SPATA16: variants seen among roughly 807,000 people sequenced by gnomAD.
SPATA16 encodes spermatogenesis-associated protein 16.
A neutral mutation model predicts 63.3 loss-of-function variants in SPATA16; 36 were observed. The observed-to-expected ratio is 0.57, with a 90% CI of 0.44 to 0.75. The LOEUF is 0.75. Among genes scored for constraint, SPATA16 ranks in the 30% least tolerant of loss-of-function variants. The probability of loss-of-function intolerance (pLI) is 0.00; values close to 1 mark genes in which losing one functional copy is unlikely to be tolerated. For synonymous variants in SPATA16, 203 were observed against 216.7 expected, an observed-to-expected ratio of 0.94 and a Z score of 0.56; for missense variants, 646 against 679.3, an observed-to-expected ratio of 0.95 and a Z score of 0.54.
chr3:173,082,375 A>G (rs1393747755), intron 2 of SPATA16, among the ~76,000 whole-genome samples: 1 of 152,182 alleles, frequency 6.6e-6, no homozygotes, highest in East Asian at 1.9e-4. Context: ...TGTGGGAAGA[A>G]ATGGCTTCCA....
chr3:172,950,396 AT>A (rs1175127352), intron 6 of SPATA16, among the ~76,000 whole-genome samples: 1 of 152,174 alleles, frequency 6.6e-6, no homozygotes, highest in Non-Finnish European at 1.5e-5. Flanking sequence ...CTTGGGAACA[AT>A]TTTCTGATTC....
intron 2 of SPATA16, among the ~76,000 whole-genome samples, chr3:173,114,275 CCTT>C (rs1172040014): frequency 6.6e-6 from 1 of 151,924 alleles, no homozygotes; most frequent in Non-Finnish European, 1.5e-5. Flanking sequence ...CCTATTTTCT[CCTT>C]CTTTCTCAGT....
chr3:173,050,038 C>T (rs887451468), intron 2 of SPATA16, among the ~76,000 whole-genome samples: 6 of 152,076 alleles, frequency 3.9e-5, no homozygotes, highest in Admixed American at 6.5e-5. Flanking sequence ...GCAGTTAATA[C>T]TTATTTATAT....
intron 2 of SPATA16, among the ~76,000 whole-genome samples, chr3:173,061,309 T>C (rs1736372775): frequency 6.6e-6 from 1 of 152,206 alleles, no homozygotes; most frequent in Admixed American, 6.5e-5. Flanking sequence ...CAGATACTGT[T>C]GGCACTCTAG....
intron 3 of SPATA16, among the ~76,000 whole-genome samples, chr3:173,031,325 G>A (rs1311025132): frequency 6.8e-6 from 1 of 147,538 alleles, no homozygotes; most frequent in Admixed American, 6.6e-5. Flanking sequence ...GATGAGGTTA[G>A]TGCACAAATA....
intron 10 of SPATA16, among the ~76,000 whole-genome samples, chr3:172,893,169 G>A (rs1225538552): frequency 6.6e-6 from 1 of 152,154 alleles, no homozygotes; most frequent in Non-Finnish European, 1.5e-5. Flanking sequence ...ATATGTTAAA[G>A]TCATAACCCC....
chr3:173,050,705 G>C (rs1036041476), intron 2 of SPATA16, among the ~76,000 whole-genome samples: 25 of 151,982 alleles, frequency 1.6e-4, no homozygotes, highest in African/African-American at 5.3e-4. Context: ...TTTTGGAAAA[G>C]TGTCCACTTT....
chr3:173,137,490 G>A (rs2108351860), intron 1 of SPATA16, among the ~76,000 whole-genome samples: 1 of 152,272 alleles, frequency 6.6e-6, no homozygotes, highest in South Asian at 2.1e-4. Flanking sequence ...CGGGATCTAT[G>A]GGAGGAAAAC....
At position 173,117,139 on chromosome 3, in the gene SPATA16, T is replaced by A; in HGVS notation, c.593A>T (p.Gln198Leu). ...CCATACCTCAAGTGCTGTTCTGAAC[T>A]GTCCTGCTGCCAAGGCGTATTTCTT... Reference protein sequence around the residue: ...RQKKYALAAGQFRTALELCSK... With the variant: ...RQKKYALAAGLFRTALELCSK... Residue 198 changes from glutamine (Q) to leucine (L), a missense_variant, in exon 2 of 11, where the codon CAG becomes CTG. By Grantham distance (113) the Gln-to-Leu change is moderately radical (BLOSUM62 -2). Transcript: ENST00000351008. The A allele has an allele frequency of 1.2e-6, 2 of 1,614,134 alleles. No individual in the cohort carries two copies. Among genetic ancestry groups the A allele is most frequent in the African/African-American group, 1.3e-5 (1 of 75,056 alleles).
intron 5 of SPATA16, among the ~76,000 whole-genome samples, chr3:172,972,514 C>A (rs904441114): frequency 1.3e-5 from 2 of 152,144 alleles, no homozygotes; most frequent in Non-Finnish European, 2.9e-5. Flanking sequence ...TAATTCTTTA[C>A]AATTTTTTAA....
At chr3:173,093,856 T>C (rs1416132242) in intron 2 of SPATA16, among the ~76,000 whole-genome samples, 1 of 149,752 alleles carries the variant, frequency 6.7e-6, no homozygotes, top group African/African-American at 2.4e-5. Context: ...AGTATTCCTG[T>C]AAATGAGTAA....
chr3:173,020,414 C>G (rs1487994387), intron 3 of SPATA16, among the ~76,000 whole-genome samples: 1 of 152,104 alleles, frequency 6.6e-6, no homozygotes, highest in Non-Finnish European at 1.5e-5. Flanking sequence ...GTTAAGGGAT[C>G]TAGTCTTGGT....
intron 6 of SPATA16, among the ~76,000 whole-genome samples, chr3:172,940,090 C>T (rs1472524005): frequency 6.6e-6 from 1 of 152,178 alleles, no homozygotes; most frequent in Non-Finnish European, 1.5e-5. Context: ...GGAGGCTCCA[C>T]ATCTCTCACC....
intron 8 of SPATA16, among the ~76,000 whole-genome samples, chr3:172,922,207 T>C (rs1241685508): frequency 6.6e-6 from 1 of 151,384 alleles, no homozygotes; most frequent in African/African-American, 2.5e-5. Context: ...ATATTTGTGA[T>C]CCCTGGGCAC....
At chr3:172,910,858 G>A (rs374983930) in intron 10 of SPATA16, among the ~76,000 whole-genome samples, 18 of 152,180 alleles carry the variant, frequency 1.2e-4, no homozygotes, top group East Asian at 3.9e-4. Context: ...TCTTTTATCC[G>A]GAACCCCAGG....
intron 2 of SPATA16, among the ~76,000 whole-genome samples, chr3:173,051,335 T>A (rs1736086212): frequency 6.6e-6 from 1 of 152,172 alleles, no homozygotes; most frequent in Admixed American, 6.5e-5. Flanking sequence ...CCCAAGTAGT[T>A]GGGATTACAG....
chr3:173,081,335 G>A (rs574379998), intron 2 of SPATA16, among the ~76,000 whole-genome samples: 4 of 152,220 alleles, frequency 2.6e-5, no homozygotes, highest in Admixed American at 1.3e-4. Flanking sequence ...GCCAAGTTCC[G>A]GATTATGCAT....
intron 3 of SPATA16, among the ~76,000 whole-genome samples, chr3:173,029,424 T>TTTG (rs3085797): frequency 6.6e-6 from 1 of 151,296 alleles, no homozygotes; most frequent in Admixed American, 6.6e-5. Flanking sequence ...TTTGTTTGTT[T>TTTG]GTTTTGTTGT....
intron 6 of SPATA16, among the ~76,000 whole-genome samples, chr3:172,928,369 G>A (rs150838595): frequency 0.019 from 2,924 of 152,280 alleles, 30 homozygotes; most frequent in Middle Eastern, 0.058. Flanking sequence ...TCACAGACAC[G>A]CCTCTCTTTG....
Sources: allele counts gnomAD v4.1 joint callset (sites outside exome capture counted in the v4.1 genomes callset), GRCh38; gene constraint gnomAD v4.1.1; transcripts MANE v1.5; gene names NCBI Gene and HGNC (gene_info 2026-07-23, HGNC 2026-07-21).